The following TMEM178B variants were observed in gnomAD, a reference collection of about 807,000 sequenced individuals.
TMEM178B encodes transmembrane protein 178B.
A neutral mutation model predicts 31.0 loss-of-function variants in TMEM178B; 5 were observed. The observed-to-expected ratio is 0.16, with a 90% CI of 0.08 to 0.34. TMEM178B has a LOEUF of 0.34. Ranked by LOEUF, TMEM178B falls within the 10% of genes least tolerant of loss-of-function variation. The pLI is 1.00. For synonymous variants in TMEM178B, 164 were observed against 164.0 expected (o/e 1.00, Z 0.00); for missense variants, 275 against 400.3 (o/e 0.69, Z 2.67).
At chr7:141,435,653 G>A (rs1801522120) in intron 2 of TMEM178B, among the ~76,000 whole-genome samples, 1 of 152,226 alleles carries the variant, frequency 6.6e-6, no homozygotes, top group African/African-American at 2.4e-5. Context: ...CTGACTGGCT[G>A]TGGCTGCCCA....
intron 2 of TMEM178B, among the ~76,000 whole-genome samples, chr7:141,219,619 C>T (rs71543401): frequency 2.6e-5 from 4 of 152,126 alleles, no homozygotes; most frequent in African/African-American, 9.7e-5. Context: ...TTCCTTGTGT[C>T]TCTGCCCCAA....
At chr7:141,481,052 G>T (rs948069402), downstream of TMEM178B, among the ~76,000 whole-genome samples, 4 of 152,254 alleles carry the variant, frequency 2.6e-5, no homozygotes, top group African/African-American at 9.6e-5. Flanking sequence ...TGAGCAGCCA[G>T]AATCGCATCT....
chr7:141,337,097 AT>A, intron 2 of TMEM178B, among the ~76,000 whole-genome samples: 1 of 69,680 alleles, frequency 1.4e-5, no homozygotes, highest in Non-Finnish European at 2.6e-5. Flanking sequence ...CATCACTACC[AT>A]CATCATCACC....
intron 1 of TMEM178B, among the ~76,000 whole-genome samples, chr7:141,077,541 A>T (rs375609554): frequency 6.6e-6 from 1 of 152,226 alleles, no homozygotes; most frequent in Non-Finnish European, 1.5e-5. Flanking sequence ...TCTGAAATCC[A>T]TTCCCCTCCA....
At chr7:141,194,796 G>A (rs566210020) in intron 1 of TMEM178B, among the ~76,000 whole-genome samples, 5 of 152,318 alleles carry the variant, frequency 3.3e-5, no homozygotes, top group Admixed American at 2.6e-4. Flanking sequence ...CCCCACCCCT[G>A]CAGCAAACTT....
chr7:141,257,724 C>A (rs73167490), intron 2 of TMEM178B, among the ~76,000 whole-genome samples: 7,333 of 151,836 alleles, frequency 0.048, 292 homozygotes, highest in East Asian at 0.13. Context: ...ATAGTGGGGT[C>A]TTTTTATCTT....
chr7:141,092,890 G>C (rs190119358), intron 1 of TMEM178B, among the ~76,000 whole-genome samples: 2 of 152,272 alleles, frequency 1.3e-5, no homozygotes, highest in African/African-American at 4.8e-5. Context: ...GGGGCTCTCT[G>C]AGGAAGAGGA....
the TMEM178B span, among the ~76,000 whole-genome samples, chr7:141,508,784 C>A: frequency 6.6e-6 from 1 of 152,178 alleles, no homozygotes; most frequent in Admixed American, 6.5e-5. Flanking sequence ...AGACTGGCCC[C>A]ATGATTTAAT....
chr7:141,429,785 C>A (rs1480843614), intron 2 of TMEM178B: 1 of 152,140 alleles, frequency 6.6e-6, no homozygotes, highest in Non-Finnish European at 1.5e-5. Flanking sequence ...TACTTCAAAA[C>A]ATCATGTTGT....
chr7:141,503,581 CA>C, the TMEM178B span, among the ~76,000 whole-genome samples: 3 of 152,192 alleles, frequency 2.0e-5, no homozygotes, highest in African/African-American at 7.2e-5. Flanking sequence ...CCTGATGCCC[CA>C]ACCCTCAATG....
rs1796345788 is a variant in TMEM178B, at chr7:141,171,288, G to A, written c.383-41303G>A. Among the ~76,000 whole-genome samples the A allele has an allele frequency of 6.6e-6, 1 of 152,050 alleles. No homozygotes were observed. Among genetic ancestry groups the A allele is most frequent in the African/African-American group, 2.4e-5 (1 of 41,474 alleles). On this transcript the variant is annotated intron_variant, in intron 1 of 3. Transcript: ENST00000565468. The surrounding 1 kb of genome is among the most constrained non-coding windows in gnomAD (Gnocchi z 4.3). ...GGCAACATTGTGAGACCCTGTCTCT[G>A]GAAAAAAACCAAAATTTTAGACTTT...
rs572360126 is a variant in TMEM178B at position 141,131,515 on chromosome 7, T to C, written c.382+56823T>C. Among the ~76,000 whole-genome samples the C allele has an allele frequency of 3.9e-5, 6 of 152,258 alleles. No individual in the cohort carries two copies. In the South Asian group the frequency reaches 1.3e-3, roughly 32 times the overall value. ...AACCAATCACAAATCTGACTTCTTTTAGTATAGATTAGTTTTGCCCACTTT... is the reference window on the plus strand; with the variant it reads ...AACCAATCACAAATCTGACTTCTTTCAGTATAGATTAGTTTTGCCCACTTT... On this transcript the variant is annotated intron_variant, in intron 1 of 3. Coordinates refer to ENST00000565468, the MANE Select transcript of TMEM178B (RefSeq NM_001195278.2).
chr7:141,350,195 T>G (rs1799695615), intron 2 of TMEM178B, among the ~76,000 whole-genome samples: 1 of 152,184 alleles, frequency 6.6e-6, no homozygotes, highest in Non-Finnish European at 1.5e-5. Flanking sequence ...TGTAGAGCTC[T>G]GTCTTCTAGT....
At chr7:141,124,493 T>A (rs1201803893) in intron 1 of TMEM178B, among the ~76,000 whole-genome samples, 1 of 152,242 alleles carries the variant, frequency 6.6e-6, no homozygotes, top group African/African-American at 2.4e-5. Context: ...TCCTTCTGCC[T>A]CCTTTTACTA....
At chr7:141,258,871 C>G (rs997477269) in intron 2 of TMEM178B, among the ~76,000 whole-genome samples, 1 of 152,138 alleles carries the variant, frequency 6.6e-6, no homozygotes, top group African/African-American at 2.4e-5. Flanking sequence ...TCAGTTTTCT[C>G]TTGATGCTTT....
At chr7:141,345,750 TA>T (rs1799608352) in intron 2 of TMEM178B, among the ~76,000 whole-genome samples, 1 of 152,206 alleles carries the variant, frequency 6.6e-6, no homozygotes, top group Non-Finnish European at 1.5e-5. Flanking sequence ...AAGTATTTAC[TA>T]AAAAATGCTT....
In TMEM178B at chr7:141,471,124, A is replaced by G. The variant is rs1802234458; in HGVS notation, c.*338A>G. ...GGTCTGAGGCAGCACAGATGTAGAG[A>G]AGGAAGTGCCACCCACTGGGTCAAC... On this transcript the variant is annotated 3_prime_UTR_variant, in exon 4 of 4. Transcript: ENST00000565468. The surrounding 1 kb of genome is among the most constrained non-coding windows in gnomAD (Gnocchi z 4.1). The G allele has an allele frequency of 6.6e-6, 1 of 152,322 alleles. No homozygotes were observed. The highest frequency in any genetic ancestry group is 1.5e-5 in the Non-Finnish European group (1 of 68,126). The allele number at this position is 152,322 out of a possible 1,614,324, so 9.4% of individuals were successfully genotyped here.
At chr7:141,136,388 T>G (rs1795675625) in intron 1 of TMEM178B, among the ~76,000 whole-genome samples, 3 of 152,160 alleles carry the variant, frequency 2.0e-5, no homozygotes, top group Non-Finnish European at 4.4e-5. Context: ...GAAAATGGAT[T>G]AAAGACATAA....
At chr7:141,194,249 A>G (rs1352044019) in intron 1 of TMEM178B, among the ~76,000 whole-genome samples, 1 of 152,094 alleles carries the variant, frequency 6.6e-6, no homozygotes, top group Non-Finnish European at 1.5e-5. Context: ...CAATTACCCA[A>G]AAGTCCACAG....
Sources: allele counts gnomAD v4.1 joint callset (sites outside exome capture counted in the v4.1 genomes callset), GRCh38; gene constraint gnomAD v4.1.1; non-coding constraint Gnocchi (gnomAD v3.1); transcripts MANE v1.5; gene names NCBI Gene and HGNC (gene_info 2026-07-23, HGNC 2026-07-21).